Variants in DOCK8 observed in about 807,000 individuals in gnomAD.
DOCK8 encodes the protein dedicator of cytokinesis 8.
In DOCK8, 141 loss-of-function variants were observed where a neutral mutation model predicts 245.6. The observed-to-expected ratio is 0.57, with a 90% CI of 0.50 to 0.66. The LOEUF is 0.66. Among genes scored for constraint, DOCK8 ranks in the 30% least tolerant of loss-of-function variants. The pLI is 0.00. For missense variants in DOCK8, 2,965 were observed against 2,603.4 expected, an observed-to-expected ratio of 1.14 and a Z score of -3.02; for synonymous variants, 1,168 against 970.2, an observed-to-expected ratio of 1.20 and a Z score of -3.79.
At chr9:305,880 G>A (rs1048203127) in intron 5 of DOCK8, among the ~76,000 whole-genome samples, 1 of 152,166 alleles carries the variant, frequency 6.6e-6, no homozygotes, top group African/African-American at 2.4e-5. Context: ...AGCAGCCCAA[G>A]TATCCATCCA....
At chr9:435,830 T>A (rs907750018) in intron 39 of DOCK8, among the ~76,000 whole-genome samples, 6 of 152,186 alleles carry the variant, frequency 3.9e-5, no homozygotes, top group African/African-American at 1.4e-4. Context: ...AAAAGCACAA[T>A]GTTGGGTACT....
intron 33 of DOCK8, among the ~76,000 whole-genome samples, chr9:426,479 C>T (rs924411070): frequency 1.3e-5 from 2 of 152,200 alleles, no homozygotes; most frequent in Non-Finnish European, 2.9e-5. Flanking sequence ...CACTCTCTCT[C>T]GCATGTTGCA....
At chr9:400,967 T>TGCCCA (rs1564016919) in intron 26 of DOCK8, among the ~76,000 whole-genome samples, 4 of 42,354 alleles carry the variant, frequency 9.4e-5, no homozygotes, top group Admixed American at 2.3e-4. Flanking sequence ...CACCACCACC[T>TGCCCA]CCTCCACCAT....
chr9:413,388 CAAG>C (rs1268735613), intron 28 of DOCK8, among the ~76,000 whole-genome samples: 4 of 151,462 alleles, frequency 2.6e-5, no homozygotes, highest in Admixed American at 2.0e-4. Flanking sequence ...GTATGAGTAA[CAAG>C]AAAAAAATAG....
chr9:277,598 G>A (rs1311431460), intron 2 of DOCK8, among the ~76,000 whole-genome samples: 2 of 150,312 alleles, frequency 1.3e-5, no homozygotes, highest in Non-Finnish European at 2.9e-5. Flanking sequence ...TAGGATCTAT[G>A]CCCTAAGGAA....
At chr9:224,618 A>G (rs2046953164) in intron 1 of DOCK8, among the ~76,000 whole-genome samples, 1 of 152,132 alleles carries the variant, frequency 6.6e-6, no homozygotes, top group Non-Finnish European at 1.5e-5. Flanking sequence ...ACACAGCCAA[A>G]ACCTTCTTTG....
intron 14 of DOCK8, 26 bp from the exon 15 acceptor site, chr9:367,992 T>C (rs757340348): frequency 1.3e-6 from 2 of 1,569,982 alleles, no homozygotes; most frequent in African/African-American, 1.4e-5. Context: ...ACCTTTTTCA[T>C]TGATTCTTTA....
rs1225068490 is a variant in DOCK8 at position 400,124 on chromosome 9, T to C, written c.3234+865T>C. On this transcript the variant is annotated intron_variant, in intron 26 of 47. Coordinates refer to ENST00000432829, the MANE Select transcript of DOCK8 (RefSeq NM_203447.4). ...ACCACCACCTCCACCACCACCAGCA[T>C]CTTCACCATCACCACCACCTCCACC... 8.6e-3 allele frequency among the ~76,000 whole-genome samples: 132 copies of C among 15,422 alleles called. 1 individual carries two copies. The highest frequency in any genetic ancestry group is 0.019 in the East Asian group (6 of 308). 10.1% of individuals were successfully genotyped at this position (15,422 alleles called of 152,430 possible).
intron 14 of DOCK8, among the ~76,000 whole-genome samples, chr9:363,150 A>T (rs1408845484): frequency 6.6e-6 from 1 of 152,234 alleles, no homozygotes; most frequent in Non-Finnish European, 1.5e-5. Context: ...GATGATTATC[A>T]AATGTCCAGT....
intron 35 of DOCK8, among the ~76,000 whole-genome samples, chr9:429,219 A>G (rs138455564): frequency 0.015 from 2,274 of 152,312 alleles, 23 homozygotes; most frequent in South Asian, 0.051. Context: ...CACCTGCCTC[A>G]GCCTCCCAAA....
At chr9:306,884 G>A (rs1160417685) in intron 5 of DOCK8, among the ~76,000 whole-genome samples, 1 of 152,162 alleles carries the variant, frequency 6.6e-6, no homozygotes, top group Non-Finnish European at 1.5e-5. Flanking sequence ...CCCTGAGAAG[G>A]TACTGCCCAG....
At chr9:215,359 C>T in intron 1 of DOCK8, 1 of 1,598,784 alleles carries the variant, frequency 6.3e-7, no homozygotes, top group Non-Finnish European at 8.5e-7. Flanking sequence ...TGATAGGCGC[C>T]TGGGTAACCG....
intron 2 of DOCK8, among the ~76,000 whole-genome samples, chr9:274,490 C>CTTTTTT (rs35765480): frequency 1.5e-5 from 2 of 135,278 alleles, no homozygotes; most frequent in Non-Finnish European, 1.6e-5. Context: ...TCTTTCTTTT[C>CTTTTTT]TTTTTTTTTT....
intron 7 of DOCK8, among the ~76,000 whole-genome samples, chr9:322,666 C>G (rs2050565873): frequency 6.6e-6 from 1 of 152,188 alleles, no homozygotes; most frequent in African/African-American, 2.4e-5. Flanking sequence ...TTTCTCGGAA[C>G]CACAGAGGAC....
chr9:271,747 G>C lies in DOCK8; in HGVS notation c.156+18G>C. ...TTCAACTAGTAAGTATGAGTTCCAG[G>C]TTTACTTAGCGATTGGTCAAGTGCA... On this transcript the variant is annotated intron_variant, in intron 2 of 47. Coordinates refer to ENST00000432829, the MANE Select transcript of DOCK8 (RefSeq NM_203447.4). The C allele has an allele frequency of 6.5e-7, 1 of 1,532,086 alleles. No individual in the cohort carries two copies. The highest frequency in any genetic ancestry group is 1.2e-5 in the South Asian group (1 of 83,374). 94.9% of individuals were successfully genotyped at this position (1,532,086 alleles called of 1,614,324 possible).
rs1426788128 is a variant in DOCK8, at chr9:214,967, C to T, written c.-10C>T. ...CGCGACCCTAGAAGCCACCGAACCGCCGGCGGGCCATGGCCACTCTGCCGA... is the reference window on the plus strand; with the variant it reads ...CGCGACCCTAGAAGCCACCGAACCGTCGGCGGGCCATGGCCACTCTGCCGA... On this transcript the variant is annotated 5_prime_UTR_variant, in exon 1 of 48. Transcript: ENST00000432829. 4 of 1,601,996 alleles carry T rather than the reference C, an allele frequency of 2.5e-6. No homozygotes were observed. Among genetic ancestry groups the T allele is most frequent in the East Asian group, 4.5e-5 (2 of 44,052 alleles).
At chr9:405,235 C>T (rs917586636) in intron 27 of DOCK8, 162 bp downstream of exon 27, 6 of 724,578 alleles carry the variant, frequency 8.3e-6, no homozygotes, top group Non-Finnish European at 1.4e-5. Context: ...ACACCACTAG[C>T]TAAGAATTAA....
At chr9:349,016 G>A (rs998477251) in intron 14 of DOCK8, among the ~76,000 whole-genome samples, 2 of 152,132 alleles carry the variant, frequency 1.3e-5, no homozygotes, top group Admixed American at 6.5e-5. Flanking sequence ...CTGCCCTTGG[G>A]CCCTCAGCAG....
At chr9:259,341 T>G (rs1275759505) in intron 1 of DOCK8, among the ~76,000 whole-genome samples, 3 of 152,130 alleles carry the variant, frequency 2.0e-5, no homozygotes, top group African/African-American at 7.2e-5. Context: ...CTCTCTAACA[T>G]AACTGTGAAT....
Sources: gnomAD v4.1 joint callset for allele counts (sites outside exome capture counted in the v4.1 genomes callset) on GRCh38, gnomAD v4.1.1 for gene constraint, MANE v1.5 for transcripts, NCBI Gene and HGNC (gene_info 2026-07-23, HGNC 2026-07-21) for gene names.